The following ZCCHC7 variants were observed in gnomAD, a reference collection of about 807,000 sequenced individuals.
The protein encoded by ZCCHC7 is zinc finger CCHC-type containing 7.
Under a neutral mutation model 52.0 loss-of-function variants are expected in ZCCHC7, and 35 were observed. That is an observed-to-expected ratio of 0.67 (90% CI 0.51 to 0.89). The LOEUF (loss-of-function observed/expected upper bound fraction) is 0.89, where lower values mean the gene tolerates loss of function less well. ZCCHC7 is among the 40% of genes least tolerant of loss of function. The pLI is 0.00. For missense variants in ZCCHC7, 574 were observed against 649.1 expected (o/e 0.88, Z 1.26); for synonymous variants, 217 against 221.5 (o/e 0.98, Z 0.18).
At chr9:37,228,835 CTTTTTT>C (rs573237575) in intron 2 of ZCCHC7, among the ~76,000 whole-genome samples, 1 of 130,470 alleles carries the variant, frequency 7.7e-6, no homozygotes, top group East Asian at 2.2e-4. Context: ...AAAGAGGGAA[CTTTTTT>C]TTTTTTTTTT....
intron 2 of ZCCHC7, among the ~76,000 whole-genome samples, chr9:37,197,933 A>C (rs1040939209): frequency 9.2e-5 from 14 of 152,186 alleles, no homozygotes; most frequent in African/African-American, 2.4e-5. Flanking sequence ...ATCATGAATA[A>C]TTGTTGAATC....
chr9:37,136,550 C>T (rs1049251920), intron 2 of ZCCHC7, among the ~76,000 whole-genome samples: 20 of 152,086 alleles, frequency 1.3e-4, no homozygotes, highest in Non-Finnish European at 2.6e-4. Flanking sequence ...CTTGACCTCC[C>T]GGGCTGAAGT....
chr9:37,206,643 T>C (rs1300160203), intron 2 of ZCCHC7, among the ~76,000 whole-genome samples: 1 of 152,182 alleles, frequency 6.6e-6, no homozygotes, highest in Non-Finnish European at 1.5e-5. Context: ...TGAGCCACGA[T>C]GCTGGGCCTA....
chr9:37,147,823 C>T (rs947970304), intron 2 of ZCCHC7, among the ~76,000 whole-genome samples: 1 of 151,902 alleles, frequency 6.6e-6, no homozygotes, highest in Non-Finnish European at 1.5e-5. Flanking sequence ...AAATACTTAT[C>T]AACTAATTTT....
chr9:37,188,404 C>G (rs913018813), intron 2 of ZCCHC7, among the ~76,000 whole-genome samples: 1 of 151,800 alleles, frequency 6.6e-6, no homozygotes, highest in Admixed American at 6.6e-5. Flanking sequence ...ATCCTCCCAC[C>G]TCAGCCTCCC....
intron 5 of ZCCHC7, among the ~76,000 whole-genome samples, chr9:37,315,813 CTTATATAGAACTTTTACCTAT>C (rs1291056364): frequency 1.8e-5 from 2 of 108,520 alleles, no homozygotes; most frequent in Admixed American, 9.7e-5. Flanking sequence ...TTTAGGGATG[CTTATATAGAACTTTTACCTAT>C]AGGTAAATGC....
chr9:37,161,036 A>G (rs1270744626), intron 2 of ZCCHC7, among the ~76,000 whole-genome samples: 3 of 149,452 alleles, frequency 2.0e-5, no homozygotes, highest in Non-Finnish European at 3.0e-5. Context: ...TGCACTCTCC[A>G]CCTCCTGGGT....
chr9:37,137,655 C>A (rs1287796181), intron 2 of ZCCHC7, among the ~76,000 whole-genome samples: 1 of 152,098 alleles, frequency 6.6e-6, no homozygotes, highest in African/African-American at 2.4e-5. Flanking sequence ...AAGGACCTGA[C>A]CAGCTGTTTA....
At chr9:37,217,566 C>T (rs1588498114) in intron 2 of ZCCHC7, among the ~76,000 whole-genome samples, 2 of 152,176 alleles carry the variant, frequency 1.3e-5, no homozygotes, top group South Asian at 2.1e-4. Context: ...TACATGTTTT[C>T]CACATGGTTA....
At chr9:37,279,920 C>G (rs1017561475) in intron 2 of ZCCHC7, among the ~76,000 whole-genome samples, 1 of 151,818 alleles carries the variant, frequency 6.6e-6, no homozygotes, top group African/African-American at 2.4e-5. Context: ...TTTGGGAGGC[C>G]GAGGCGGGCG....
intron 2 of ZCCHC7, among the ~76,000 whole-genome samples, chr9:37,241,229 C>T (rs762829686): frequency 6.6e-5 from 10 of 151,678 alleles, no homozygotes; most frequent in Non-Finnish European, 1.2e-4. Context: ...AAAATTTTTA[C>T]TTAGAGCTGA....
intron 2 of ZCCHC7, among the ~76,000 whole-genome samples, chr9:37,257,055 G>A: frequency 6.6e-6 from 1 of 152,088 alleles, no homozygotes; most frequent in Non-Finnish European, 1.5e-5. Context: ...TAGTTTTCAA[G>A]GTGGCTTTGA....
rs139400001 is a variant in ZCCHC7, at chr9:37,171,900, G to A, written c.610+44958G>A. On this transcript the variant is annotated intron_variant, in intron 2 of 8. Coordinates refer to ENST00000336755, the MANE Select transcript of ZCCHC7 (RefSeq NM_032226.3). ...TTTTCAGATGGAAAAAATTATTTTG[G>A]TAGATGTATTCTTCTGTTATTTCTT... is the stretch of plus-strand genomic sequence containing the variant. Among the ~76,000 whole-genome samples, 579 of 152,234 alleles carry A rather than the reference G, an allele frequency of 3.8e-3. 5 individuals carry two copies. Among genetic ancestry groups the A allele is most frequent in the Non-Finnish European group, 6.5e-3 (445 of 68,002 alleles).
chr9:37,266,367 T>G (rs533184561), intron 2 of ZCCHC7, among the ~76,000 whole-genome samples: 2 of 152,160 alleles, frequency 1.3e-5, no homozygotes. Flanking sequence ...CAACTGTAAA[T>G]TTATTTGTTT....
chr9:37,251,109 A>G (rs1212437855), intron 2 of ZCCHC7, among the ~76,000 whole-genome samples: 1 of 152,232 alleles, frequency 6.6e-6, no homozygotes, highest in Admixed American at 6.5e-5. Context: ...CCACCTTTAT[A>G]TAAACTCAAA....
At chr9:37,193,162 T>C (rs1823105945) in intron 2 of ZCCHC7, among the ~76,000 whole-genome samples, 1 of 152,218 alleles carries the variant, frequency 6.6e-6, no homozygotes, top group Non-Finnish European at 1.5e-5. Context: ...TCAATTCAGT[T>C]ATTTTATGTT....
chr9:37,180,942 T>C (rs1322449927), intron 2 of ZCCHC7, among the ~76,000 whole-genome samples: 4 of 152,174 alleles, frequency 2.6e-5, no homozygotes, highest in African/African-American at 9.7e-5. Flanking sequence ...ATTTGGAGAT[T>C]GTTTTCCAAT....
chr9:37,151,736 C>G (rs749305076), intron 2 of ZCCHC7, among the ~76,000 whole-genome samples: 7 of 151,940 alleles, frequency 4.6e-5, no homozygotes, highest in Admixed American at 4.6e-4. Flanking sequence ...ACCTGGGAGG[C>G]GGAGGTTGCA....
At chr9:37,207,441 C>A (rs1350307935) in intron 2 of ZCCHC7, among the ~76,000 whole-genome samples, 1 of 145,384 alleles carries the variant, frequency 6.9e-6, no homozygotes, top group African/African-American at 2.5e-5. Context: ...CCTGGTTGTA[C>A]ATTTTTTGTA....
Sources: gnomAD v4.1 joint callset for allele counts (sites outside exome capture counted in the v4.1 genomes callset) on GRCh38, gnomAD v4.1.1 for gene constraint, MANE v1.5 for transcripts, NCBI Gene and HGNC (gene_info 2026-07-23, HGNC 2026-07-21) for gene names.